The following BACH2 variants were observed in gnomAD, a reference collection of about 807,000 sequenced individuals.
The protein encoded by BACH2 is transcription regulator protein BACH2.
A neutral mutation model predicts 61.8 loss-of-function variants in BACH2; 5 were observed. The ratio of observed to expected loss-of-function variants is 0.08; its 90% CI spans 0.04 to 0.17. BACH2 has a LOEUF of 0.17. Ranked by LOEUF, BACH2 falls within the 10% of genes least tolerant of loss-of-function variation. BACH2 has a pLI of 1.00. For synonymous variants in BACH2, 446 were observed against 440.1 expected (o/e 1.01, Z -0.17); for missense variants, 824 against 1,091.1 (o/e 0.76, Z 3.45).
At chr6:90,027,321 T>C (rs566875558) in intron 5 of BACH2, among the ~76,000 whole-genome samples, 5 of 152,346 alleles carry the variant, frequency 3.3e-5, no homozygotes, top group Admixed American at 3.3e-4. Flanking sequence ...AGAATGACGA[T>C]TATTGTGACC....
rs1777077462 is a variant in BACH2 at position 90,000,472 on chromosome 6, G to A, written c.243+8130C>T. Among the ~76,000 whole-genome samples, 5 of 152,108 alleles carry A rather than the reference G, an allele frequency of 3.3e-5. No individual in the cohort carries two copies. In the South Asian group the frequency reaches 1.0e-3, roughly 31 times the overall value. On this transcript the variant is annotated intron_variant, in intron 6 of 8. Transcript: ENST00000257749. ...CACCACAGCTTTTAATGAGGATTCTGAGGTAACAGCCATTTCATCAGAGAA... is the reference window on the plus strand; with the variant it reads ...CACCACAGCTTTTAATGAGGATTCTAAGGTAACAGCCATTTCATCAGAGAA...
At chr6:90,194,804 T>A (rs747518064) in intron 4 of BACH2, among the ~76,000 whole-genome samples, 9 of 152,254 alleles carry the variant, frequency 5.9e-5, no homozygotes, top group Non-Finnish European at 1.3e-4. Context: ...ACTTCTTTCC[T>A]GAACTGGCTA....
intron 5 of BACH2, among the ~76,000 whole-genome samples, chr6:90,088,279 G>A (rs1259387022): frequency 6.6e-6 from 1 of 152,166 alleles, no homozygotes; most frequent in African/African-American, 2.4e-5. Context: ...TCTTTTGAGT[G>A]TGTCTAAAAG....
intron 6 of BACH2, among the ~76,000 whole-genome samples, chr6:89,981,566 T>C (rs1314987556): frequency 1.3e-5 from 2 of 152,190 alleles, no homozygotes; most frequent in Non-Finnish European, 2.9e-5. Context: ...TCTATTTGTC[T>C]ACAGTTTATG....
chr6:90,188,597 T>C (rs1768441125), intron 4 of BACH2, among the ~76,000 whole-genome samples: 1 of 152,098 alleles, frequency 6.6e-6, no homozygotes. Flanking sequence ...TACTCATTCA[T>C]GACCAAAAGA....
chr6:90,049,644 A>G (rs1384207942), intron 5 of BACH2, among the ~76,000 whole-genome samples: 1 of 152,202 alleles, frequency 6.6e-6, no homozygotes, highest in African/African-American at 2.4e-5. Context: ...GTGGCACCAA[A>G]CTATCAGTTC....
intron 2 of BACH2, among the ~76,000 whole-genome samples, chr6:90,262,813 C>T (rs1436451659): frequency 7.9e-5 from 12 of 152,278 alleles, no homozygotes; most frequent in Non-Finnish European, 4.4e-5. Context: ...CCAAGGGACA[C>T]GCATTAACTG....
At chr6:90,005,312 G>C (rs1048410014) in intron 6 of BACH2, among the ~76,000 whole-genome samples, 1 of 152,158 alleles carries the variant, frequency 6.6e-6, no homozygotes, top group Admixed American at 6.5e-5. Flanking sequence ...GCTGCCAAGG[G>C]AGTGTAGATG....
chr6:90,132,852 G>C (rs1784123182), intron 4 of BACH2, among the ~76,000 whole-genome samples: 1 of 152,060 alleles, frequency 6.6e-6, no homozygotes. Context: ...CTTGAGCCCT[G>C]CACTGTACCC....
At chr6:89,941,874 A>G (rs1039462519) in intron 7 of BACH2, among the ~76,000 whole-genome samples, 2 of 152,208 alleles carry the variant, frequency 1.3e-5, no homozygotes, top group Non-Finnish European at 2.9e-5. Flanking sequence ...CTGTATTTAA[A>G]TCATCCAGAC....
At chr6:89,972,353 G>C (rs1775413485) in intron 6 of BACH2, among the ~76,000 whole-genome samples, 1 of 152,162 alleles carries the variant, frequency 6.6e-6, no homozygotes, top group African/African-American at 2.4e-5. Flanking sequence ...GTTGGGAAGG[G>C]AAATATAGAC....
chr6:90,211,443 T>C (rs1342176059), intron 3 of BACH2, among the ~76,000 whole-genome samples: 1 of 152,200 alleles, frequency 6.6e-6, no homozygotes, highest in Non-Finnish European at 1.5e-5. Context: ...TTCACCACTA[T>C]TTATTTACCA....
chr6:90,001,936 C>G (rs1217391997), intron 6 of BACH2, among the ~76,000 whole-genome samples: 1 of 152,230 alleles, frequency 6.6e-6, no homozygotes, highest in Non-Finnish European at 1.5e-5. Context: ...AGCTACTGAT[C>G]TACTTCTCTG....
At chr6:89,992,748 T>C (rs551430583) in intron 6 of BACH2, among the ~76,000 whole-genome samples, 9 of 152,246 alleles carry the variant, frequency 5.9e-5, no homozygotes, top group African/African-American at 1.4e-4. Context: ...CAGTACATGA[T>C]TGATTGTGTG....
intron 6 of BACH2, among the ~76,000 whole-genome samples, chr6:89,959,484 T>G (rs1349979484): frequency 6.9e-6 from 1 of 145,716 alleles, no homozygotes; most frequent in African/African-American, 2.5e-5. Context: ...TTTTCCGAAA[T>G]GTACTTGTAG....
intron 5 of BACH2, among the ~76,000 whole-genome samples, chr6:90,060,549 TTTAAG>T (rs949690864): frequency 3.9e-5 from 6 of 152,196 alleles, no homozygotes; most frequent in African/African-American, 7.2e-5. Context: ...GTAGTCTATA[TTTAAG>T]TTAATTTTTC....
intron 3 of BACH2, among the ~76,000 whole-genome samples, chr6:90,237,235 T>C (rs1387759711): frequency 6.6e-6 from 1 of 152,160 alleles, no homozygotes; most frequent in Non-Finnish European, 1.5e-5. Context: ...GTGCTCTTGT[T>C]TTAGAAATCT....
intron 8 of BACH2, among the ~76,000 whole-genome samples, 193 bp from the exon 9 acceptor site, chr6:89,933,083 T>A (rs373989082): frequency 2.3e-4 from 35 of 152,078 alleles, no homozygotes; most frequent in African/African-American, 7.7e-4. Context: ...ACACCTTCCA[T>A]CTGATGCCAA....
chr6:90,178,873 T>C (rs1230253862), intron 4 of BACH2, among the ~76,000 whole-genome samples: 1 of 152,168 alleles, frequency 6.6e-6, no homozygotes, highest in Non-Finnish European at 1.5e-5. Context: ...ATGGCTGGAC[T>C]CAACATGTTA....
Sources: gnomAD v4.1 joint callset for allele counts (sites outside exome capture counted in the v4.1 genomes callset) on GRCh38, gnomAD v4.1.1 for gene constraint, MANE v1.5 for transcripts, NCBI Gene and HGNC (gene_info 2026-07-23, HGNC 2026-07-21) for gene names.